Variants in NEK7 observed in about 807,000 individuals in gnomAD.
The protein encoded by NEK7 is NIMA related kinase 7, also known as serine/threonine-protein kinase Nek7.
Under a neutral mutation model 44.6 loss-of-function variants are expected in NEK7, and 18 were observed. That is an observed-to-expected ratio of 0.40 (90% confidence interval 0.28 to 0.60). NEK7 has a LOEUF of 0.60. Among genes scored for constraint, NEK7 ranks in the 20% least tolerant of loss-of-function variants. The pLI, the probability that NEK7 is intolerant of heterozygous loss-of-function variation, is 0.38. For missense variants in NEK7, 256 were observed against 366.5 expected (o/e 0.70, Z 2.46); for synonymous variants, 130 against 121.1 (o/e 1.07, Z -0.48).
chr1:198,267,389 T>C (rs1363026585), intron 5 of NEK7, among the ~76,000 whole-genome samples: 1 of 152,132 alleles, frequency 6.6e-6, no homozygotes, highest in Non-Finnish European at 1.5e-5. Context: ...GATAAATCAA[T>C]TGAGAAAAAT....
At chr1:198,261,145 C>T (rs1005949620) in intron 3 of NEK7, among the ~76,000 whole-genome samples, 5 of 151,918 alleles carry the variant, frequency 3.3e-5, no homozygotes, top group Non-Finnish European at 7.4e-5. Flanking sequence ...TCTAATGGTA[C>T]CCGCCACCCT....
At chr1:198,166,076 C>T (rs1664258301) in intron 1 of NEK7, among the ~76,000 whole-genome samples, 1 of 152,230 alleles carries the variant, frequency 6.6e-6, no homozygotes, top group Non-Finnish European at 1.5e-5. Context: ...GGAGTTAGTG[C>T]CTTGCCCTGG....
chr1:198,274,179 A>G (rs1216572934), intron 5 of NEK7, among the ~76,000 whole-genome samples: 1 of 117,142 alleles, frequency 8.5e-6, no homozygotes, highest in African/African-American at 4.2e-5. Context: ...TTATGACTTC[A>G]TTATTTCTCA....
At position 198,225,263 on chromosome 1, in the gene NEK7, A is replaced by G. The variant is rs201478323; in HGVS notation, c.-28-7290A>G. 4.3e-3 allele frequency among the ~76,000 whole-genome samples: 658 copies of G among 151,950 alleles called. 7 individuals carry two copies. Among genetic ancestry groups the G allele is most frequent in the African/African-American group, 0.015 (638 of 41,462 alleles). ...GAGAAGCGTGTAGGTTACAAAAAAAAAAAAAAATTCAGGTCTTGGAGCACT... is the reference window on the plus strand; with the variant it reads ...GAGAAGCGTGTAGGTTACAAAAAAAGAAAAAAATTCAGGTCTTGGAGCACT... On this transcript the variant is annotated intron_variant, in intron 1 of 9. Transcript: ENST00000367385.
chr1:198,210,505 G>C (rs1665730174), intron 1 of NEK7, among the ~76,000 whole-genome samples: 1 of 151,990 alleles, frequency 6.6e-6, no homozygotes, highest in Non-Finnish European at 1.5e-5. Flanking sequence ...AATGATAAAT[G>C]CTTTTTTAAT....
intron 2 of NEK7, among the ~76,000 whole-genome samples, chr1:198,244,824 A>AC (rs780365489): frequency 1.3e-5 from 2 of 151,862 alleles, no homozygotes; most frequent in African/African-American, 2.4e-5. Flanking sequence ...GAAAAAAAAA[A>AC]CCCCCACTTT....
At chr1:198,286,772 T>G (rs978820870) in intron 7 of NEK7, among the ~76,000 whole-genome samples, 5 of 152,202 alleles carry the variant, frequency 3.3e-5, no homozygotes, top group African/African-American at 4.8e-5. Flanking sequence ...TTTTTGGTTT[T>G]GTAGGACTGA....
chr1:198,211,308 T>G (rs1313701184), intron 1 of NEK7, among the ~76,000 whole-genome samples: 1 of 152,214 alleles, frequency 6.6e-6, no homozygotes, highest in Non-Finnish European at 1.5e-5. Context: ...AACCTTATTA[T>G]TATAGGAAAT....
At chr1:198,302,868 G>A (rs1286756840) in intron 9 of NEK7, among the ~76,000 whole-genome samples, 1 of 149,932 alleles carries the variant, frequency 6.7e-6, no homozygotes, top group Non-Finnish European at 1.5e-5. Context: ...TGTGCGGCAT[G>A]GCATCCCCCT....
intron 1 of NEK7, among the ~76,000 whole-genome samples, chr1:198,186,359 A>G (rs1289498120): frequency 6.6e-6 from 1 of 152,222 alleles, no homozygotes; most frequent in Non-Finnish European, 1.5e-5. Flanking sequence ...TAAAAGTTTC[A>G]AAGGCCAGGA....
chr1:198,282,994 G>A (rs1424553224), intron 7 of NEK7, among the ~76,000 whole-genome samples: 3 of 152,042 alleles, frequency 2.0e-5, no homozygotes, highest in African/African-American at 7.2e-5. Flanking sequence ...GTGAGGTGGG[G>A]CAAGTCCCTT....
intron 3 of NEK7, among the ~76,000 whole-genome samples, 175 bp downstream of exon 3, chr1:198,253,355 G>A (rs1002903274): frequency 4.6e-5 from 7 of 152,066 alleles, no homozygotes; most frequent in Non-Finnish European, 7.4e-5. Context: ...GGAAATATTA[G>A]TTTTAACACT....
At chr1:198,178,253 A>G (rs1388141416) in intron 1 of NEK7, among the ~76,000 whole-genome samples, 1 of 152,088 alleles carries the variant, frequency 6.6e-6, no homozygotes, top group Admixed American at 6.6e-5. Context: ...AAGCCCTAAT[A>G]ACTAATAGAC....
At chr1:198,215,198 G>T (rs996477428) in intron 1 of NEK7, among the ~76,000 whole-genome samples, 1 of 152,108 alleles carries the variant, frequency 6.6e-6, no homozygotes, top group African/African-American at 2.4e-5. Context: ...GAAACAAAAG[G>T]TTGATATGCA....
chr1:198,315,156 C>T (rs972760614), intron 9 of NEK7, among the ~76,000 whole-genome samples: 8 of 152,260 alleles, frequency 5.3e-5, no homozygotes, highest in Admixed American at 1.3e-4. Context: ...TTTTTAAGCC[C>T]GTCGGAAAAG....
chr1:198,227,188 G>C (rs1442315325), intron 1 of NEK7, among the ~76,000 whole-genome samples: 2 of 152,164 alleles, frequency 1.3e-5, no homozygotes, highest in Non-Finnish European at 2.9e-5. Flanking sequence ...TCCCTACAAA[G>C]GACATGAACT....
chr1:198,159,026 G>C (rs1162095069), intron 1 of NEK7, among the ~76,000 whole-genome samples: 2 of 152,212 alleles, frequency 1.3e-5, no homozygotes, highest in Non-Finnish European at 2.9e-5. Flanking sequence ...CTCGGGGCCG[G>C]TGTGTGTGCG....
chr1:198,279,901 G>T (rs937429445), intron 7 of NEK7, among the ~76,000 whole-genome samples: 15 of 151,928 alleles, frequency 9.9e-5, no homozygotes, highest in African/African-American at 3.6e-4. Flanking sequence ...TTCTAAAACA[G>T]TACCTAAAAC....
At chr1:198,282,823 T>A (rs1654248476) in intron 7 of NEK7, among the ~76,000 whole-genome samples, 1 of 152,138 alleles carries the variant, frequency 6.6e-6, no homozygotes, top group South Asian at 2.1e-4. Context: ...ATGCAGGTGC[T>A]ATTCTAGAGA....
Sources: gnomAD v4.1 joint callset for allele counts (sites outside exome capture counted in the v4.1 genomes callset) on GRCh38, gnomAD v4.1.1 for gene constraint, MANE v1.5 for transcripts, NCBI Gene and HGNC (gene_info 2026-07-23, HGNC 2026-07-21) for gene names.